Variants in ZBTB20 observed in about 807,000 individuals in gnomAD.
ZBTB20 encodes the protein zinc finger and BTB domain-containing protein 20.
ZBTB20 carries 9 observed loss-of-function variants against 56.9 expected under a neutral mutation model. That is an observed-to-expected ratio of 0.16 (90% confidence interval 0.10 to 0.28). ZBTB20 has a LOEUF of 0.28. Among genes scored for constraint, ZBTB20 ranks in the 10% least tolerant of loss-of-function variants. ZBTB20 has a pLI of 1.00. For synonymous variants in ZBTB20, 417 were observed against 420.7 expected (o/e 0.99, Z 0.11); for missense variants, 655 against 1,003.0 (o/e 0.65, Z 4.69).
chr3:115,035,443 C>A (rs543302830), intron 2 of ZBTB20, among the ~76,000 whole-genome samples: 1 of 151,974 alleles, frequency 6.6e-6, no homozygotes, highest in Admixed American at 6.6e-5. Flanking sequence ...AGATGGCAAA[C>A]AAGCACATGA....
At chr3:114,538,927 C>T (rs924115687) in intron 6 of ZBTB20, among the ~76,000 whole-genome samples, 5 of 152,148 alleles carry the variant, frequency 3.3e-5, no homozygotes, top group African/African-American at 7.2e-5. Context: ...TAGAACTCAT[C>T]GGGGGTTGGC....
intron 1 of ZBTB20, among the ~76,000 whole-genome samples, chr3:115,114,698 T>C (rs1317060757): frequency 1.3e-5 from 2 of 152,080 alleles, no homozygotes; most frequent in South Asian, 2.1e-4. Flanking sequence ...GAAAATCACA[T>C]TGTAATGAAA....
intron 4 of ZBTB20, among the ~76,000 whole-genome samples, chr3:114,847,651 GCA>G (rs1345111724): frequency 6.6e-6 from 1 of 152,006 alleles, no homozygotes; most frequent in Non-Finnish European, 1.5e-5. Flanking sequence ...TCTGAGGTTT[GCA>G]TGTGTGTGTT....
chr3:114,667,683 T>A (rs1366033918), intron 6 of ZBTB20, among the ~76,000 whole-genome samples: 1 of 152,032 alleles, frequency 6.6e-6, no homozygotes, highest in Non-Finnish European at 1.5e-5. Context: ...ATTATAAATA[T>A]CAAGATGCTC....
In ZBTB20 at chr3:114,565,641, A is replaced by G. The variant is rs536763285; in HGVS notation, c.-294-65250T>C. ...AGGAGATAATACGGTAGCGATAACTAAAGTTACTACAGTTATCATGTAGGT... is the reference window on the plus strand; with the variant it reads ...AGGAGATAATACGGTAGCGATAACTGAAGTTACTACAGTTATCATGTAGGT... On this transcript the variant is annotated intron_variant, in intron 6 of 11. Coordinates refer to ENST00000675478, the MANE Select transcript of ZBTB20 (RefSeq NM_001348800.3). Among the ~76,000 whole-genome samples the G allele has an allele frequency of 2.3e-4, 35 of 152,332 alleles. No individual in the cohort carries two copies. In the East Asian group the frequency reaches 6.4e-3, roughly 28 times the overall value.
At chr3:114,857,728 A>G (rs1431973113) in intron 4 of ZBTB20, among the ~76,000 whole-genome samples, 1 of 152,188 alleles carries the variant, frequency 6.6e-6, no homozygotes, top group Non-Finnish European at 1.5e-5. Flanking sequence ...CTCAGTTGCC[A>G]CTGTTCTTTA....
chr3:114,593,217 T>C (rs565495952), intron 6 of ZBTB20, among the ~76,000 whole-genome samples: 1 of 152,240 alleles, frequency 6.6e-6, no homozygotes, highest in East Asian at 1.9e-4. Flanking sequence ...CTTTTATTAG[T>C]GATAACACCT....
At chr3:114,360,869 T>TA (rs1270301595) in intron 10 of ZBTB20, among the ~76,000 whole-genome samples, 2 of 151,686 alleles carry the variant, frequency 1.3e-5, no homozygotes, top group African/African-American at 2.4e-5. Context: ...GGGAAATCAT[T>TA]AAAAAAAAGA....
chr3:114,821,791 G>A (rs1457832679), intron 4 of ZBTB20, among the ~76,000 whole-genome samples: 1 of 152,064 alleles, frequency 6.6e-6, no homozygotes, highest in Admixed American at 6.6e-5. Context: ...CAAATTTAAT[G>A]TCAGAAATAA....
At chr3:114,567,667 C>G (rs2052940236) in intron 6 of ZBTB20, among the ~76,000 whole-genome samples, 2 of 152,128 alleles carry the variant, frequency 1.3e-5, no homozygotes, top group Admixed American at 6.6e-5. Flanking sequence ...CCCCATATAA[C>G]CCCTACATCA....
At chr3:114,541,884 T>C (rs144801688) in intron 6 of ZBTB20, among the ~76,000 whole-genome samples, 3 of 152,254 alleles carry the variant, frequency 2.0e-5, no homozygotes, top group Admixed American at 6.5e-5. Flanking sequence ...TACCTGCTTG[T>C]AGGATTATTA....
chr3:115,090,283 T>C (rs1304694592), intron 1 of ZBTB20, among the ~76,000 whole-genome samples: 2 of 151,724 alleles, frequency 1.3e-5, no homozygotes, highest in Middle Eastern at 3.2e-3. Flanking sequence ...TTAACAAAAA[T>C]CCGAAGAATA....
intron 5 of ZBTB20, among the ~76,000 whole-genome samples, chr3:114,741,875 T>TAAAA (rs554920594): frequency 2.0e-5 from 2 of 100,484 alleles, no homozygotes; most frequent in African/African-American, 3.9e-5. Context: ...AGCAAGACTG[T>TAAAA]AAAAAAAAAA....
chr3:114,913,106 A>C (rs999790733), intron 3 of ZBTB20, among the ~76,000 whole-genome samples: 2 of 152,012 alleles, frequency 1.3e-5, no homozygotes, highest in African/African-American at 4.8e-5. Context: ...CCTAGCAGTC[A>C]GATTGCTGGA....
At chr3:114,434,558 T>TTTGTGTGTGTGTG (rs2090374381) in intron 7 of ZBTB20, among the ~76,000 whole-genome samples, 65 of 146,050 alleles carry the variant, frequency 4.5e-4, no homozygotes, top group Non-Finnish European at 6.7e-4. Flanking sequence ...GTGTGTGTGT[T>TTTGTGTGTGTGTG]TGTGTGTGTG....
chr3:114,473,114 T>C (rs2040332172), intron 7 of ZBTB20, among the ~76,000 whole-genome samples: 2 of 152,172 alleles, frequency 1.3e-5, no homozygotes, highest in African/African-American at 4.8e-5. Flanking sequence ...ACAGACATAC[T>C]TCAACTGTGG....
intron 1 of ZBTB20, among the ~76,000 whole-genome samples, chr3:115,074,508 CT>C (rs1235429440): frequency 1.3e-5 from 2 of 152,150 alleles, no homozygotes; most frequent in Admixed American, 1.3e-4. Context: ...TAAGTCCCAA[CT>C]CATTGAAAAG....
chr3:114,434,350 A>G (rs1251230285), intron 7 of ZBTB20, among the ~76,000 whole-genome samples: 1 of 152,108 alleles, frequency 6.6e-6, no homozygotes, highest in African/African-American at 2.4e-5. Context: ...TCTAGATGTG[A>G]CGATGGAGTT....
At chr3:114,432,389 A>G (rs751826617) in intron 7 of ZBTB20, among the ~76,000 whole-genome samples, 2 of 152,228 alleles carry the variant, frequency 1.3e-5, no homozygotes, top group Non-Finnish European at 2.9e-5. Flanking sequence ...AAATGGGTAC[A>G]GTTTTCTTTT....
Sources: allele counts gnomAD v4.1 joint callset (sites outside exome capture counted in the v4.1 genomes callset), GRCh38; gene constraint gnomAD v4.1.1; transcripts MANE v1.5; gene names NCBI Gene and HGNC (gene_info 2026-07-23, HGNC 2026-07-21).